Variants in COL23A1 observed in about 807,000 individuals in gnomAD.
COL23A1 encodes collagen type XXIII alpha 1 chain, also known as collagen alpha-1(XXIII) chain.
In COL23A1, 97 loss-of-function variants were observed where a neutral mutation model predicts 99.3. That is an observed-to-expected ratio of 0.98 (90% CI 0.83 to 1.16). The LOEUF (loss-of-function observed/expected upper bound fraction) is 1.16. Ranked by LOEUF, COL23A1 falls within the 50% of genes most tolerant of loss-of-function variation. The probability of loss-of-function intolerance (pLI) is 0.00; values close to 1 mark genes in which losing one functional copy is unlikely to be tolerated. For missense variants in COL23A1, 762 were observed against 757.4 expected, an observed-to-expected ratio of 1.01 and a Z score of -0.07; for synonymous variants, 320 against 308.2, an observed-to-expected ratio of 1.04 and a Z score of -0.40.
intron 19 of COL23A1, among the ~76,000 whole-genome samples, chr5:178,248,463 A>T (rs1316871020): frequency 6.6e-6 from 1 of 152,158 alleles, no homozygotes; most frequent in Admixed American, 6.5e-5. Flanking sequence ...GCAGCCGCAC[A>T]CATTGTTTTC....
chr5:178,269,331 GTATC>G (rs1756094857), intron 6 of COL23A1, among the ~76,000 whole-genome samples: 3 of 66,396 alleles, frequency 4.5e-5, no homozygotes, highest in Non-Finnish European at 6.4e-5. Flanking sequence ...ATCCATCCAT[GTATC>G]CATCCATCCA....
rs769673315 is a variant in COL23A1, at chr5:178,387,229, C to T, written c.362-80310G>A. Among the ~76,000 whole-genome samples, 4 of 152,134 alleles carry T rather than the reference C, an allele frequency of 2.6e-5. No individual in the cohort carries two copies. Among genetic ancestry groups the T allele is most frequent in the Admixed American group, 1.3e-4 (2 of 15,276 alleles). On this transcript the variant is annotated intron_variant, in intron 2 of 28. Coordinates refer to ENST00000390654, the MANE Select transcript of COL23A1 (RefSeq NM_173465.4). The surrounding 1 kb of genome is among the most constrained non-coding windows in gnomAD (Gnocchi z 4.7). ...CAATGGCCCCCACACACAGCCTCAC[C>T]GAGGAAAGCCACGTTCTGTAGCCTG...
intron 2 of COL23A1, among the ~76,000 whole-genome samples, chr5:178,554,776 A>G (rs1027746599): frequency 2.6e-5 from 4 of 151,806 alleles, no homozygotes; most frequent in East Asian, 1.9e-4. Context: ...AGTCAGTGCA[A>G]TTTTTCAAGG....
intron 2 of COL23A1, among the ~76,000 whole-genome samples, chr5:178,509,627 C>A (rs1314091452): frequency 6.6e-6 from 1 of 152,164 alleles, no homozygotes; most frequent in Non-Finnish European, 1.5e-5. Flanking sequence ...CCTTAATGAT[C>A]GTGGGCTTTC....
In COL23A1 at chr5:178,502,307, A is replaced by AT. The variant is rs1213799440; in HGVS notation, c.361+58374dup. Reference sequence around the variant, plus strand: ...CCACCACGCCCGGCTAATTTTTTGTATTTTTAGTAGAGACGGGGTTTCACC... The same window carrying AT: ...CCACCACGCCCGGCTAATTTTTTGTATTTTTTAGTAGAGACGGGGTTTCACC... On this transcript the variant is annotated intron_variant, in intron 2 of 28. Coordinates refer to ENST00000390654, the MANE Select transcript of COL23A1 (RefSeq NM_173465.4). 5.3e-5 allele frequency among the ~76,000 whole-genome samples: 8 copies of AT among 151,984 alleles called. No homozygotes were observed. In the East Asian group the frequency reaches 1.2e-3, roughly 22 times the overall value.
chr5:178,584,861 C>T (rs1156417771), intron 1 of COL23A1, among the ~76,000 whole-genome samples: 1 of 152,138 alleles, frequency 6.6e-6, no homozygotes, highest in African/African-American at 2.4e-5. Flanking sequence ...CACCTCCAGC[C>T]TAGTGTCCTC....
At chr5:178,587,801 G>A (rs982734336) in intron 1 of COL23A1, among the ~76,000 whole-genome samples, 10 of 152,190 alleles carry the variant, frequency 6.6e-5, no homozygotes, top group Middle Eastern at 3.4e-3. Flanking sequence ...CATTGTTACC[G>A]GCCAGGCTGT....
rs191066008 is a variant in COL23A1, at chr5:178,309,824, C to T, written c.362-2905G>A. On this transcript the variant is annotated intron_variant, in intron 2 of 28. Transcript: ENST00000390654. The surrounding 1 kb of genome is among the most constrained non-coding windows in gnomAD (Gnocchi z 4.7). ...GCCACTCGCTCTGCTGTGCTCGATT[C>T]TCCCTCCTGGCACAAAGGACCTCCT... Among the ~76,000 whole-genome samples, 32 of 152,228 alleles carry T rather than the reference C, an allele frequency of 2.1e-4. No individual in the cohort carries two copies. The highest frequency in any genetic ancestry group is 7.5e-4 in the African/African-American group (31 of 41,526).
chr5:178,456,350 C>A (rs961464447), intron 2 of COL23A1, among the ~76,000 whole-genome samples: 2 of 152,020 alleles, frequency 1.3e-5, no homozygotes, highest in Non-Finnish European at 2.9e-5. Context: ...GGAAATACAG[C>A]GAAACATGTA....
At chr5:178,572,226 C>T (rs560014856) in intron 1 of COL23A1, among the ~76,000 whole-genome samples, 85 of 151,874 alleles carry the variant, frequency 5.6e-4, no homozygotes, top group African/African-American at 2.0e-3. Context: ...AAAATGAACA[C>T]ACAGAGAATT....
chr5:178,252,702 G>C (rs1765100995), intron 16 of COL23A1, 105 bp from the exon 17 acceptor site: 1 of 979,852 alleles, frequency 1.0e-6, no homozygotes, highest in Non-Finnish European at 1.5e-6. Context: ...CAGCTGAGCA[G>C]AGCAGGGGCA....
chr5:178,452,029 TAAA>T (rs1443604188), intron 2 of COL23A1, among the ~76,000 whole-genome samples: 1 of 152,026 alleles, frequency 6.6e-6, no homozygotes, highest in African/African-American at 2.4e-5. Flanking sequence ...TATGGAAAGC[TAAA>T]AATGCAAAAG....
At chr5:178,525,721 G>A (rs1439124277) in intron 2 of COL23A1, among the ~76,000 whole-genome samples, 1 of 143,494 alleles carries the variant, frequency 7.0e-6, no homozygotes, top group African/African-American at 2.5e-5. Flanking sequence ...GACACAGCGC[G>A]CAGACCCCAG....
intron 1 of COL23A1, among the ~76,000 whole-genome samples, chr5:178,581,571 AAAAAAAAAAAATT>A (rs1055642409): frequency 4.2e-5 from 6 of 143,296 alleles, no homozygotes; most frequent in African/African-American, 1.8e-4. Context: ...GTCTCAAAAA[AAAAAAAAAAAATT>A]AAAACGAAAA....
intron 1 of COL23A1, among the ~76,000 whole-genome samples, chr5:178,575,988 C>T (rs1162939288): frequency 1.3e-5 from 2 of 152,174 alleles, no homozygotes; most frequent in South Asian, 2.1e-4. Context: ...GATAAAAACC[C>T]AACTCAAATT....
At chr5:178,332,958 T>TTTTG (rs1196859652) in intron 2 of COL23A1, among the ~76,000 whole-genome samples, 2 of 152,036 alleles carry the variant, frequency 1.3e-5, no homozygotes, top group African/African-American at 4.8e-5. Flanking sequence ...GTTTGTTTTT[T>TTTTG]TTTGTTTGTT....
intron 2 of COL23A1, among the ~76,000 whole-genome samples, chr5:178,482,365 G>A (rs547252472): frequency 1.3e-5 from 2 of 152,202 alleles, no homozygotes; most frequent in East Asian, 3.9e-4. Context: ...GACACAAAAG[G>A]ACAGATATTT....
chr5:178,327,071 C>T (rs756835430), intron 2 of COL23A1, among the ~76,000 whole-genome samples: 2 of 152,196 alleles, frequency 1.3e-5, no homozygotes, highest in African/African-American at 4.8e-5. Context: ...TTCATCCAGA[C>T]AATCAAATAT....
rs145382278 is a variant in COL23A1 at position 178,503,813 on chromosome 5, A to T, written c.361+56869T>A. Among the ~76,000 whole-genome samples, 352 of 150,992 alleles carry T rather than the reference A, an allele frequency of 2.3e-3. 2 individuals carry two copies. The highest frequency in any genetic ancestry group is 8.2e-3 in the African/African-American group (336 of 40,952). Reference sequence around the variant, plus strand: ...TTGAAATTATTTTAAATAAAACATTAAAAAAAAAGAAGGGGAAGGGGCATA... The same window carrying T: ...TTGAAATTATTTTAAATAAAACATTTAAAAAAAAGAAGGGGAAGGGGCATA... On this transcript the variant is annotated intron_variant, in intron 2 of 28. Transcript: ENST00000390654.
Sources: allele counts gnomAD v4.1 joint callset (sites outside exome capture counted in the v4.1 genomes callset), GRCh38; gene constraint gnomAD v4.1.1; non-coding constraint Gnocchi (gnomAD v3.1); transcripts MANE v1.5; gene names NCBI Gene and HGNC (gene_info 2026-07-23, HGNC 2026-07-21).